The following MBNL1 variants were observed in gnomAD, a reference collection of about 807,000 sequenced individuals.
MBNL1 encodes muscleblind-like protein 1.
MBNL1 carries 8 observed loss-of-function variants against 42.2 expected under a neutral mutation model. That is an observed-to-expected ratio of 0.19 (90% CI 0.11 to 0.34). MBNL1 has a LOEUF of 0.34. Among genes scored for constraint, MBNL1 ranks in the 10% least tolerant of loss-of-function variants. The pLI, the probability that MBNL1 is intolerant of heterozygous loss-of-function variation, is 1.00. For synonymous variants in MBNL1, 169 were observed against 173.9 expected, an observed-to-expected ratio of 0.97 and a Z score of 0.22; for missense variants, 309 against 495.3, an observed-to-expected ratio of 0.62 and a Z score of 3.57.
chr3:152,415,052 T>C lies in MBNL1; in HGVS notation c.286T>C (p.Leu96=). 1 of 1,610,388 alleles carries C rather than the reference T, an allele frequency of 6.2e-7. No individual in the cohort carries two copies. The highest frequency in any genetic ancestry group is 8.5e-7 in the Non-Finnish European group (1 of 1,178,616). The part of the protein sequence containing the change: ...NLIQQKNMAM[L]AQQMQLANAM... ...GATTCAGCAGAAGAACATGGCCATGTTGGCCCAGCAAATGCAACTAGCCAA... is the reference window on the plus strand; with the variant it reads ...GATTCAGCAGAAGAACATGGCCATGCTGGCCCAGCAAATGCAACTAGCCAA... The change falls in exon 3 of 10, where the codon TTG becomes CTG. Residue 96 remains leucine, a synonymous_variant. Coordinates refer to ENST00000324210, the MANE Select transcript of MBNL1 (RefSeq NM_021038.5).
chr3:152,267,503 A>G (rs2037516459), upstream of MBNL1: 3 of 152,212 alleles, frequency 2.0e-5, no homozygotes, highest in Admixed American at 1.3e-4. Context: ...AATGCTTAAT[A>G]AGAGGAATGG....
chr3:152,341,121 G>A lies in MBNL1; in HGVS notation c.174+40754G>A, dbSNP rs1427864102. On this transcript the variant is annotated intron_variant, in intron 2 of 9. Coordinates refer to ENST00000324210, the MANE Select transcript of MBNL1 (RefSeq NM_021038.5). ...GTATAACTAAATGAAATGTTTTGAA[G>A]TGCATTAAAATGGGTAATTCTTTCA... 9 of 511,148 alleles carry A rather than the reference G, an allele frequency of 1.8e-5. No homozygotes were observed. The Admixed American group carries it at 2.8e-4, about 16-fold the overall frequency. 31.7% of individuals were successfully genotyped at this position (511,148 alleles called of 1,614,324 possible).
At chr3:152,307,059 G>A (rs1274456458) in intron 2 of MBNL1, among the ~76,000 whole-genome samples, 1 of 151,516 alleles carries the variant, frequency 6.6e-6, no homozygotes, top group Non-Finnish European at 1.5e-5. Context: ...GTGTGATCTC[G>A]GCTCATTGTA....
At chr3:152,350,963 C>CCTAT (rs2094900224) in intron 2 of MBNL1, among the ~76,000 whole-genome samples, 2 of 152,218 alleles carry the variant, frequency 1.3e-5, no homozygotes, top group South Asian at 4.2e-4. Context: ...CATAGCCCTG[C>CCTAT]CTATCGATCA....
intron 1 of MBNL1, among the ~76,000 whole-genome samples, chr3:152,294,662 C>T (rs1004443350): frequency 2.6e-5 from 4 of 152,012 alleles, no homozygotes; most frequent in African/African-American, 9.7e-5. Flanking sequence ...AGATATTTAC[C>T]TCAGAAGCAA....
chr3:152,374,406 G>A (rs944034731), intron 2 of MBNL1, among the ~76,000 whole-genome samples: 2 of 152,166 alleles, frequency 1.3e-5, no homozygotes, highest in African/African-American at 2.4e-5. Context: ...ACTACTTTCT[G>A]TAATCAGGGT....
intron 2 of MBNL1, chr3:152,338,316 G>GTCTCCACTTCCTTA: frequency 5.1e-6 from 5 of 985,394 alleles, no homozygotes; most frequent in Non-Finnish European, 6.0e-6. Context: ...GCGTGGTCAT[G>GTCTCCACTTCCTTA]TCTCCACTTC....
At chr3:152,369,226 T>C (rs915856583) in intron 2 of MBNL1, among the ~76,000 whole-genome samples, 1 of 152,218 alleles carries the variant, frequency 6.6e-6, no homozygotes, top group African/African-American at 2.4e-5. Context: ...TGAAGGGGTG[T>C]TGAATTTTAT....
At chr3:152,404,279 ATTAT>A (rs2098353180) in intron 2 of MBNL1, among the ~76,000 whole-genome samples, 1 of 152,198 alleles carries the variant, frequency 6.6e-6, no homozygotes, top group Non-Finnish European at 1.5e-5. Flanking sequence ...AGTTTAGAAA[ATTAT>A]TTAAGCACTA....
chr3:152,360,861 A>G (rs761981472), intron 2 of MBNL1, among the ~76,000 whole-genome samples: 1 of 152,088 alleles, frequency 6.6e-6, no homozygotes, highest in Non-Finnish European at 1.5e-5. Flanking sequence ...TCCTTTTGTT[A>G]GTCAACTTTA....
intron 2 of MBNL1, among the ~76,000 whole-genome samples, chr3:152,352,928 G>A (rs1243128257): frequency 6.6e-6 from 1 of 152,174 alleles, no homozygotes; most frequent in Non-Finnish European, 1.5e-5. Flanking sequence ...GTGCATGGAT[G>A]TAAACTTCTT....
At chr3:152,343,006 T>G (rs893666125) in intron 2 of MBNL1, among the ~76,000 whole-genome samples, 2 of 152,160 alleles carry the variant, frequency 1.3e-5, no homozygotes, top group Admixed American at 6.6e-5. Flanking sequence ...ATGGATATAA[T>G]CTTAGTAGAT....
At chr3:152,318,116 G>C (rs983382265) in intron 2 of MBNL1, among the ~76,000 whole-genome samples, 15 of 152,176 alleles carry the variant, frequency 9.9e-5, no homozygotes, top group African/African-American at 3.6e-4. Context: ...GTGTGAATGA[G>C]TCAAGCAAGC....
chr3:152,451,699 C>T (rs1049542914), intron 6 of MBNL1, among the ~76,000 whole-genome samples: 5 of 152,128 alleles, frequency 3.3e-5, no homozygotes, highest in Non-Finnish European at 5.9e-5. Context: ...CAGTTCCAAA[C>T]GCTACAATTC....
At chr3:152,267,943 C>T (rs1053215360), upstream of MBNL1, 1 of 152,266 alleles carries the variant, frequency 6.6e-6, no homozygotes, top group African/African-American at 2.4e-5. Context: ...ACAAGTTATC[C>T]GAATTCCTTA....
At chr3:152,403,899 G>A (rs1313521285) in intron 2 of MBNL1, among the ~76,000 whole-genome samples, 1 of 152,110 alleles carries the variant, frequency 6.6e-6, no homozygotes, top group Admixed American at 6.5e-5. Flanking sequence ...GCAGGGAGGG[G>A]AGTGTTTTCT....
intron 2 of MBNL1, among the ~76,000 whole-genome samples, chr3:152,382,993 G>A (rs1019190955): frequency 6.6e-6 from 1 of 152,070 alleles, no homozygotes; most frequent in African/African-American, 2.4e-5. Context: ...GAGAAAGGAA[G>A]ACCTGCCTGA....
chr3:152,311,893 T>C (rs1050088607), intron 2 of MBNL1, among the ~76,000 whole-genome samples: 2 of 152,042 alleles, frequency 1.3e-5, no homozygotes, highest in Non-Finnish European at 1.5e-5. Flanking sequence ...TCCTGAACTC[T>C]TAAGAGATGT....
chr3:152,390,579 A>G (rs1018050391), intron 2 of MBNL1, among the ~76,000 whole-genome samples: 10 of 150,772 alleles, frequency 6.6e-5, no homozygotes, highest in African/African-American at 2.4e-4. Flanking sequence ...ATTTATTATC[A>G]TGTATTTTGT....
Sources: gnomAD v4.1 joint callset for allele counts (sites outside exome capture counted in the v4.1 genomes callset) on GRCh38, gnomAD v4.1.1 for gene constraint, MANE v1.5 for transcripts, NCBI Gene and HGNC (gene_info 2026-07-23, HGNC 2026-07-21) for gene names.